Variants in SECISBP2 observed in about 807,000 individuals in gnomAD.
SECISBP2 encodes selenocysteine insertion sequence-binding protein 2.
In SECISBP2, 96 loss-of-function variants were observed where a neutral mutation model predicts 98.2. The observed-to-expected ratio is 0.98, with a 90% CI of 0.83 to 1.16. SECISBP2 has a LOEUF of 1.16. SECISBP2 is among the 50% of genes most tolerant of loss of function. The pLI is 0.00. For missense variants in SECISBP2, 1,046 were observed against 1,022.9 expected (o/e 1.02, Z -0.31); for synonymous variants, 407 against 370.2 (o/e 1.10, Z -1.14).
intron 15 of SECISBP2, 117 bp from the exon 16 acceptor site, chr9:89,357,882 G>A: frequency 8.7e-7 from 1 of 1,154,656 alleles, no homozygotes; most frequent in Non-Finnish European, 1.3e-6. Flanking sequence ...ATAAGCATGA[G>A]GTCCACATTA....
the SECISBP2 span, among the ~76,000 whole-genome samples, chr9:89,366,016 C>G: frequency 2.0e-5 from 3 of 152,216 alleles, no homozygotes; most frequent in African/African-American, 7.2e-5. Context: ...TTTAGCTGGG[C>G]AGTCCTAGGA....
chr9:89,363,192 C>G (rs1213379503), downstream of SECISBP2, among the ~76,000 whole-genome samples: 1 of 152,230 alleles, frequency 6.6e-6, no homozygotes, highest in Non-Finnish European at 1.5e-5. Flanking sequence ...AGTCTCGCCT[C>G]CCTTCAGTCT....
intron 13 of SECISBP2, 152 bp downstream of exon 13, chr9:89,350,081 A>G (rs1424566130): frequency 1.1e-6 from 1 of 878,766 alleles, no homozygotes; most frequent in Non-Finnish European, 1.8e-6. Context: ...GGTTACACGC[A>G]TTCAGGGAGA....
intron 2 of SECISBP2, among the ~76,000 whole-genome samples, chr9:89,320,666 A>T (rs1044497783): frequency 5.9e-5 from 9 of 152,176 alleles, no homozygotes; most frequent in Middle Eastern, 3.2e-3. Flanking sequence ...AGTTCTTCTA[A>T]ATTTGAGTTG....
chr9:89,333,362 A>G (rs1427816525), intron 6 of SECISBP2, among the ~76,000 whole-genome samples: 2 of 152,244 alleles, frequency 1.3e-5, no homozygotes, highest in Middle Eastern at 3.2e-3. Flanking sequence ...GCCCTATTCA[A>G]AGTTCAAACA....
intron 14 of SECISBP2, among the ~76,000 whole-genome samples, chr9:89,352,699 T>G (rs2132022262): frequency 6.6e-6 from 1 of 152,350 alleles, no homozygotes; most frequent in South Asian, 2.1e-4. Flanking sequence ...ATTATTTGTT[T>G]CCTGCTTCTT....
chr9:89,325,441 C>T lies in SECISBP2; in HGVS notation c.197C>T (p.Thr66Ile), dbSNP rs371791200. ...EPPVTEQKIY[T>I]EDMAFGASTF... ...TTTTTACTTAGGCAGAAAATATATA[C>T]TGAAGACATGGCCTTTGGAGCTTCA... The change falls in exon 3 of 17, where the codon ACT becomes ATT. Residue 66 changes from threonine (T) to isoleucine (I), a missense_variant. Thr to Ile is a moderately conservative substitution (Grantham distance 89). Transcript: ENST00000375807. 1 of 1,613,984 alleles carries T rather than the reference C, an allele frequency of 6.2e-7. No homozygotes were observed. The highest frequency in any genetic ancestry group is 1.3e-5 in the African/African-American group (1 of 75,036).
In SECISBP2 at chr9:89,318,608, G is replaced by C. The variant is rs2131486786; in HGVS notation, c.32G>C (p.Ser11Thr). Residue 11 changes from serine (S) to threonine (T), a missense_variant, in exon 1 of 17, where the codon AGC becomes ACC. Transcript: ENST00000375807. MASEGPREPE[S>T]EGIKLSADVK... ...TCGGAGGGGCCGCGGGAGCCCGAAA[G>C]CGAGGTAAGGGCCGACGGGGGCTCT... is the stretch of plus-strand genomic sequence containing the variant. 7 of 1,456,068 alleles carry C rather than the reference G, an allele frequency of 4.8e-6. No individual in the cohort carries two copies. The highest frequency in any genetic ancestry group is 2.8e-5 in the East Asian group (1 of 35,594). The allele number at this position is 1,456,068 out of a possible 1,614,324, so 90.2% of individuals were successfully genotyped here.
In SECISBP2 at chr9:89,338,557, G is replaced by A. The variant is rs1319519258; in HGVS notation, c.1189G>A (p.Val397Ile). ...KSTSKYEVLT[V>I]QEPPRIEDAE... ...TACATCAAAATATGAAGTCCTGACA[G>A]TTCAAGAGCCTCCAAGGATTGAAGT... is the stretch of plus-strand genomic sequence containing the variant. The change falls in exon 8 of 17, where the codon GTT (valine) becomes ATT (isoleucine). Residue 397 changes from valine (V) to isoleucine (I), a missense_variant. Physicochemically the swap from Val to Ile is conservative, Grantham distance 29. Coordinates refer to ENST00000375807, the MANE Select transcript of SECISBP2 (RefSeq NM_024077.5). 1 of 1,612,380 alleles carries A rather than the reference G, an allele frequency of 6.2e-7. No individual in the cohort carries two copies. Among genetic ancestry groups the A allele is most frequent in the African/African-American group, 1.3e-5 (1 of 74,810 alleles).
chr9:89,338,374 A>G lies in SECISBP2; in HGVS notation c.1090-84A>G, dbSNP rs975894442. ...TTGTCATGTGATTATAGGACTTGAT[A>G]TCTTAATTTTGTTGATACATAGTAT... On this transcript the variant is annotated intron_variant, in intron 7 of 16. Coordinates refer to ENST00000375807, the MANE Select transcript of SECISBP2 (RefSeq NM_024077.5). 2.7e-6 allele frequency: 4 copies of G among 1,471,648 alleles called. No homozygotes were observed. The Admixed American group carries it at 5.7e-5, about 21-fold the overall frequency. 91.2% of individuals were successfully genotyped at this position (1,471,648 alleles called of 1,614,324 possible).
In SECISBP2 at chr9:89,338,578, G is replaced by A. The variant is rs750344217; in HGVS notation, c.1210G>A (p.Glu404Lys). 1.9e-6 allele frequency: 3 copies of A among 1,611,546 alleles called. No individual in the cohort carries two copies. The highest frequency in any genetic ancestry group is 8.5e-7 in the Non-Finnish European group (1 of 1,179,416). Residue 404 changes from glutamate (E) to lysine (K), a missense_variant and splice_region_variant, in exon 8 of 17, where the codon GAA (glutamate) becomes AAA (lysine). Transcript: ENST00000375807. The stretch of plus-strand genomic sequence containing the variant: ...GACAGTTCAAGAGCCTCCAAGGATT[G>A]AAGTACATTTATATTTTTTATTCAC... The part of the protein sequence containing the change: ...VLTVQEPPRI[E>K]DAEEFPNLAV...
chr9:89,358,028 A>G lies in SECISBP2; in HGVS notation c.2298A>G (p.Thr766=). Residue 766 remains threonine, a synonymous_variant, in exon 16 of 17, where the codon ACA becomes ACG. Transcript: ENST00000375807. ...AGTTCCACAAGATGGTTGAGCTGAC[A>G]GTGGCGGCCCGACAGGCGTACAAGA... ...QDQFHKMVEL[T]VAARQAYKTM... 6.2e-7 allele frequency: 1 copy of G among 1,613,450 alleles called. No homozygotes were observed. Among genetic ancestry groups the G allele is most frequent in the African/African-American group, 1.3e-5 (1 of 75,038 alleles).
At chr9:89,324,157 A>G (rs908654637) in intron 2 of SECISBP2, 3 of 152,144 alleles carry the variant, frequency 2.0e-5, no homozygotes, top group East Asian at 3.9e-4. Flanking sequence ...GCTTTTCTCA[A>G]CTACAAACAA....
At chr9:89,325,811 A>G in intron 3 of SECISBP2, 86 bp from the exon 4 acceptor site, 1 of 1,592,720 alleles carries the variant, frequency 6.3e-7, no homozygotes, top group Non-Finnish European at 8.6e-7. Context: ...AAAATGATTG[A>G]ATTGTGAATA....
intron 13 of SECISBP2, 82 bp downstream of exon 13, chr9:89,350,011 C>A (rs750613422): frequency 1.5e-4 from 231 of 1,522,970 alleles, no homozygotes; most frequent in Non-Finnish European, 1.0e-4. Flanking sequence ...TCCCATAAAT[C>A]CTTGTTGCTG....
chr9:89,341,440 C>A lies in SECISBP2; in HGVS notation c.1396C>A (p.Gln466Lys). ...AGCCCTGGAGAAGAAGCAGCACTCT[C>A]AGCATGCAAAGCAGTCCTCCAAACC... ...LTALEKKQHSQHAKQSSKPVV... is the reference protein window; with the variant it reads ...LTALEKKQHSKHAKQSSKPVV... Residue 466 changes from glutamine (Q) to lysine (K), a missense_variant, in exon 10 of 17, where the codon CAG becomes AAG. By Grantham distance (53) the Gln-to-Lys change is moderately conservative. Transcript: ENST00000375807. 1 of 1,614,164 alleles carries A rather than the reference C, an allele frequency of 6.2e-7. No homozygotes were observed. Among genetic ancestry groups the A allele is most frequent in the South Asian group, 1.1e-5 (1 of 91,088 alleles).
At chr9:89,366,803 A>G in the SECISBP2 span, among the ~76,000 whole-genome samples, 5 of 152,312 alleles carry the variant, frequency 3.3e-5, no homozygotes. Flanking sequence ...AGTGAGTTCT[A>G]TAAAAGCCCG....
In SECISBP2 at chr9:89,328,882, C is replaced by G. The variant is rs554140618; in HGVS notation, c.797C>G (p.Ser266Ter). 6.2e-7 allele frequency: 1 copy of G among 1,611,704 alleles called. No homozygotes were observed. The highest frequency in any genetic ancestry group is 2.2e-5 in the East Asian group (1 of 44,870). The change falls in exon 5 of 17, where the codon TCA (serine) becomes TGA (stop). Residue 266 changes from serine (S) to a stop codon, truncating the protein, a stop_gained. Coordinates refer to ENST00000375807, the MANE Select transcript of SECISBP2 (RefSeq NM_024077.5). LOFTEE classifies it high-confidence loss of function. ...GTAGTAAAACCAGCTGCAGTGTTAT[C>G]AAAGGTGAGGTGAGGGTTTCTCTCT... ...REVVKPAAVL[S>*]KGEIVVKNNP... is the part of the protein sequence containing the mutation.
intron 6 of SECISBP2, 37 bp downstream of exon 6, chr9:89,333,023 T>C (rs1302945281): frequency 8.9e-6 from 14 of 1,567,638 alleles, no homozygotes; most frequent in Non-Finnish European, 1.2e-5. Flanking sequence ...TTTTAAAATG[T>C]CATAGATTTT....
Sources: allele counts gnomAD v4.1 joint callset (sites outside exome capture counted in the v4.1 genomes callset), GRCh38; gene constraint gnomAD v4.1.1; transcripts MANE v1.5; gene names NCBI Gene and HGNC (gene_info 2026-07-23, HGNC 2026-07-21).